HTR2A: variants seen among roughly 807,000 people sequenced by gnomAD.
HTR2A encodes 5-HT2 receptor.
In HTR2A, 14 loss-of-function variants were observed where a neutral mutation model predicts 31.0. The observed-to-expected ratio is 0.45, with a 90% confidence interval of 0.30 to 0.71. The LOEUF (loss-of-function observed/expected upper bound fraction) is 0.71. Among genes scored for constraint, HTR2A ranks in the 30% least tolerant of loss-of-function variants. HTR2A has a pLI of 0.09. For missense variants in HTR2A, 442 were observed against 573.3 expected, an observed-to-expected ratio of 0.77 and a Z score of 2.34; for synonymous variants, 209 against 225.2, an observed-to-expected ratio of 0.93 and a Z score of 0.64.
Position 46,895,696 on chromosome 13 carries a change from G to C in HTR2A, c.211C>G (p.Leu71Val), listed in dbSNP as rs1442771238. 6.2e-6 allele frequency: 10 copies of C among 1,613,998 alleles called. No individual in the cohort carries two copies. The highest frequency in any genetic ancestry group is 8.5e-6 in the Non-Finnish European group (10 of 1,179,994). The part of the protein sequence containing the change: ...LSPSCLSLLH[L>V]QEKNWSALLT... ...AAAGCAGACCAGTTTTTTTCCTGGAGATGAAGTAAGGAGAGACACGACGGT... is the reference window on the plus strand; with the variant it reads ...AAAGCAGACCAGTTTTTTTCCTGGACATGAAGTAAGGAGAGACACGACGGT... Residue 71 changes from leucine (L) to valine (V), a missense_variant, in exon 2 of 4, where the codon CTC becomes GTC. Transcript: ENST00000542664. The surrounding 1 kb of genome is among the most constrained non-coding windows in gnomAD (Gnocchi z 4.4).
intron 3 of HTR2A, among the ~76,000 whole-genome samples, chr13:46,840,552 T>C (rs1950590291): frequency 6.6e-6 from 1 of 152,218 alleles, no homozygotes; most frequent in Non-Finnish European, 1.5e-5. Context: ...AAAATCTCAC[T>C]TTACAGATAT....
intron 3 of HTR2A, among the ~76,000 whole-genome samples, chr13:46,865,698 GATAAA>G (rs1326359968): frequency 2.6e-5 from 4 of 152,144 alleles, no homozygotes; most frequent in Non-Finnish European, 2.9e-5. Flanking sequence ...AATTTAAGTT[GATAAA>G]ATAAAAATGA....
chr13:46,834,972 T>A lies in HTR2A; in HGVS notation c.1281A>T (p.Gly427=), dbSNP rs1876389632. 1 of 1,614,028 alleles carries A rather than the reference T, an allele frequency of 6.2e-7. No homozygotes were observed. The highest frequency in any genetic ancestry group is 1.3e-5 in the African/African-American group (1 of 74,924). ...LAYKSSQLQM[G]QKKNSKQDAK... ...CATCTTGCTTTGAATTCTTTTTTTG[T>A]CCCATTTGAAGTTGGCTAGACTTGT... The change falls in exon 4 of 4, where the codon GGA becomes GGT. Residue 427 remains glycine, a synonymous_variant. Coordinates refer to ENST00000542664, the MANE Select transcript of HTR2A (RefSeq NM_000621.5).
intron 3 of HTR2A, among the ~76,000 whole-genome samples, chr13:46,877,527 A>C (rs1950924778): frequency 6.6e-6 from 1 of 152,218 alleles, no homozygotes; most frequent in Admixed American, 6.5e-5. Flanking sequence ...CAAGGAAACA[A>C]ATTTTTTTCA....
chr13:46,844,324 A>C (rs1950623067), intron 3 of HTR2A, among the ~76,000 whole-genome samples: 2 of 152,238 alleles, frequency 1.3e-5, no homozygotes, highest in Admixed American at 1.3e-4. Context: ...TTATAGACAC[A>C]GCTTGAAGTT....
intron 3 of HTR2A, among the ~76,000 whole-genome samples, chr13:46,887,352 G>T (rs1442936235): frequency 6.7e-6 from 1 of 150,346 alleles, no homozygotes; most frequent in Non-Finnish European, 1.5e-5. Flanking sequence ...GAACCCAGGA[G>T]GTGGAGCTTG....
chr13:46,848,993 G>C (rs889785935), intron 3 of HTR2A, among the ~76,000 whole-genome samples: 1 of 152,190 alleles, frequency 6.6e-6, no homozygotes, highest in African/African-American at 2.4e-5. Flanking sequence ...GTCATAATAA[G>C]TAATGAACAA....
intron 3 of HTR2A, among the ~76,000 whole-genome samples, chr13:46,873,872 T>A (rs1163792398): frequency 6.6e-6 from 1 of 152,194 alleles, no homozygotes; most frequent in Admixed American, 6.6e-5. Context: ...AAGTGCTGGC[T>A]AAGGCAGTTC....
Position 46,831,655 on chromosome 13 carries a change from T to C in HTR2A, c.*3182A>G, listed in dbSNP as rs1593422154. The C allele has an allele frequency of 1.3e-5, 2 of 152,376 alleles. No individual in the cohort carries two copies. Among genetic ancestry groups the C allele is most frequent in the South Asian group, 4.1e-4 (2 of 4,828 alleles). The allele number at this position is 152,376 out of a possible 1,614,324, so 9.4% of individuals were successfully genotyped here. A position where few individuals can be genotyped will look rare whatever the true frequency, so the allele number is the denominator to read the frequency against. ...AATAATCTTCACTGTATTTGTTACA[T>C]ATGGCACAGAATAATTTAGCACTTT... is the stretch of plus-strand genomic sequence containing the variant. On this transcript the variant is annotated 3_prime_UTR_variant, in exon 4 of 4. Transcript: ENST00000542664.
chr13:46,851,905 G>A (rs1950687229), intron 3 of HTR2A, among the ~76,000 whole-genome samples: 1 of 152,220 alleles, frequency 6.6e-6, no homozygotes, highest in Non-Finnish European at 1.5e-5. Context: ...AATTAAAGAT[G>A]TCAATCAGCT....
chr13:46,860,969 T>C (rs1423198388), intron 3 of HTR2A, among the ~76,000 whole-genome samples: 1 of 152,176 alleles, frequency 6.6e-6, no homozygotes, highest in East Asian at 1.9e-4. Context: ...ACAAATGAAA[T>C]GCAAATTCAG....
intron 3 of HTR2A, among the ~76,000 whole-genome samples, chr13:46,858,226 A>G (rs957817069): frequency 6.6e-6 from 1 of 152,170 alleles, no homozygotes. Flanking sequence ...ACTGATTTGG[A>G]TATACATAAA....
At chr13:46,890,603 C>A (rs998171215) in intron 3 of HTR2A, among the ~76,000 whole-genome samples, 1 of 152,186 alleles carries the variant, frequency 6.6e-6, no homozygotes, top group African/African-American at 2.4e-5. Flanking sequence ...GTACTCAGTG[C>A]TCAGAAACTG....
intron 3 of HTR2A, among the ~76,000 whole-genome samples, chr13:46,869,474 C>A (rs919604926): frequency 6.6e-6 from 1 of 151,994 alleles, no homozygotes; most frequent in Admixed American, 6.6e-5. Flanking sequence ...ACGTTGATGG[C>A]GGAAGTGTAA....
intron 3 of HTR2A, among the ~76,000 whole-genome samples, chr13:46,848,387 T>C (rs1037321043): frequency 4.6e-5 from 7 of 152,208 alleles, no homozygotes; most frequent in Admixed American, 2.6e-4. Context: ...CTTGAAGAGA[T>C]GAAATAGAGC....
At chr13:46,889,601 CAA>C (rs1471462894) in intron 3 of HTR2A, among the ~76,000 whole-genome samples, 1 of 152,042 alleles carries the variant, frequency 6.6e-6, no homozygotes, top group Non-Finnish European at 1.5e-5. Context: ...AGAAATTTAC[CAA>C]GAGAGTGAAC....
intron 3 of HTR2A, among the ~76,000 whole-genome samples, chr13:46,889,592 G>T (rs1249917333): frequency 3.3e-5 from 5 of 152,144 alleles, no homozygotes; most frequent in Non-Finnish European, 7.3e-5. Flanking sequence ...ATTACATTTA[G>T]AAATTTACCA....
At chr13:46,892,677 G>C (rs1056639559) in intron 2 of HTR2A, 87 bp from the exon 3 acceptor site, 6 of 1,145,974 alleles carry the variant, frequency 5.2e-6, no homozygotes, top group South Asian at 2.5e-5. Context: ...TCCAGCTCTG[G>C]GACAGGCACA....
At chr13:46,868,466 C>A (rs756006514) in intron 3 of HTR2A, among the ~76,000 whole-genome samples, 7 of 152,232 alleles carry the variant, frequency 4.6e-5, no homozygotes, top group Admixed American at 3.3e-4. Context: ...AAAACTCCAA[C>A]TCAAGGAACT....
Sources: gnomAD v4.1 joint callset for allele counts (sites outside exome capture counted in the v4.1 genomes callset) on GRCh38, gnomAD v4.1.1 for gene constraint, Gnocchi (gnomAD v3.1) non-coding constraint, MANE v1.5 for transcripts, NCBI Gene and HGNC (gene_info 2026-07-23, HGNC 2026-07-21) for gene names.